MROH1: variants seen among roughly 807,000 people sequenced by gnomAD.
MROH1 encodes maestro heat like repeat family member 1, also known as maestro heat-like repeat-containing protein family member 1.
MROH1 carries 117 observed loss-of-function variants against 116.5 expected under a neutral mutation model. The ratio of observed to expected loss-of-function variants is 1.00; its 90% CI spans 0.86 to 1.17. MROH1 has a LOEUF of 1.17. MROH1 is among the 50% of genes most tolerant of loss of function. MROH1 has a pLI of 0.00. For missense variants in MROH1, 1,873 were observed against 1,338.5 expected (o/e 1.40, Z -6.23); for synonymous variants, 921 against 583.9 (o/e 1.58, Z -8.32).
chr8:144,167,157 G>T (rs949090953), intron 3 of MROH1, among the ~76,000 whole-genome samples: 3 of 152,208 alleles, frequency 2.0e-5, no homozygotes, highest in Non-Finnish European at 4.4e-5. Flanking sequence ...AAACCAGCCT[G>T]GAGGGTCTTG....
Position 144,168,394 on chromosome 8 carries a change from T to C in MROH1, c.122T>C (p.Val41Ala), listed in dbSNP as rs1047971924. ...ALCSLGEARPVETLRACEEYL... is the reference protein window; with the variant it reads ...ALCSLGEARPAETLRACEEYL... ...TGCTCCCTCGGGGAGGCGCGGCCGG[T>C]GGAGACGCTCCGTGCCTGCGAGGAG... is the stretch of plus-strand genomic sequence containing the variant. Residue 41 changes from valine to alanine, a missense_variant, in exon 4 of 44, where the codon GTG becomes GCG. Val to Ala is a moderately conservative substitution (Grantham distance 64). Coordinates refer to ENST00000326134, the MANE Select transcript of MROH1 (RefSeq NM_032450.3). 11 of 1,611,408 alleles carry C rather than the reference T, an allele frequency of 6.8e-6. No homozygotes were observed. Among genetic ancestry groups the C allele is most frequent in the Admixed American group, 3.3e-5 (2 of 59,916 alleles).
intron 4 of MROH1, among the ~76,000 whole-genome samples, chr8:144,178,989 G>A (rs1824831732): frequency 6.6e-6 from 1 of 152,106 alleles, no homozygotes; most frequent in African/African-American, 2.4e-5. Flanking sequence ...GTGGCAGAAG[G>A]TGGTGTGGTG....
chr8:144,172,835 G>A (rs970631277), intron 4 of MROH1, among the ~76,000 whole-genome samples: 3 of 152,036 alleles, frequency 2.0e-5, no homozygotes, highest in Non-Finnish European at 2.9e-5. Flanking sequence ...ATTGATTTAC[G>A]TCTTTGCCTG....
At chr8:144,207,641 G>T (rs1265112994) in intron 12 of MROH1, among the ~76,000 whole-genome samples, 2 of 152,060 alleles carry the variant, frequency 1.3e-5, no homozygotes, top group African/African-American at 4.8e-5. Flanking sequence ...GAGTAGCCTG[G>T]GTTACAGGAG....
chr8:144,207,529 A>T (rs995361663), intron 12 of MROH1, among the ~76,000 whole-genome samples: 7 of 151,870 alleles, frequency 4.6e-5, no homozygotes, highest in African/African-American at 1.7e-4. Flanking sequence ...TTATAGAGAG[A>T]GGGTCTCACT....
chr8:144,239,012 G>A, intron 15 of MROH1, 23 bp from the exon 16 acceptor site: 1 of 776,740 alleles, frequency 1.3e-6, no homozygotes, highest in South Asian at 1.3e-5. Context: ...GGCGGATGCA[G>A]ACCAGGCCCT....
intron 4 of MROH1, among the ~76,000 whole-genome samples, chr8:144,169,994 C>T (rs1380922842): frequency 4.6e-5 from 7 of 152,134 alleles, no homozygotes; most frequent in African/African-American, 1.2e-4. Flanking sequence ...CCACCATGCC[C>T]GGCTAATTTT....
chr8:144,175,266 G>A (rs1234962467), intron 4 of MROH1: 5 of 666,496 alleles, frequency 7.5e-6, no homozygotes, highest in East Asian at 1.4e-4. Context: ...GGGTATAAAT[G>A]CCCTGCTGCA....
chr8:144,197,194 T>G (rs2131722331), intron 10 of MROH1, among the ~76,000 whole-genome samples: 1 of 152,260 alleles, frequency 6.6e-6, no homozygotes, highest in Admixed American at 6.5e-5. Context: ...CCCTTGTTAG[T>G]TTACACCCAT....
chr8:144,217,511 C>T (rs578218458), intron 12 of MROH1, among the ~76,000 whole-genome samples: 4 of 152,352 alleles, frequency 2.6e-5, no homozygotes, highest in African/African-American at 9.6e-5. Context: ...TCTATCCAGG[C>T]TGAAAGTTCT....
chr8:144,209,027 T>TTGTGTGTGTGTGTGTGTGTG (rs71320812), intron 12 of MROH1, among the ~76,000 whole-genome samples: 3 of 141,642 alleles, frequency 2.1e-5, no homozygotes, highest in African/African-American at 8.2e-5. Context: ...CTCGGCCATT[T>TTGTGTGTGTGTGTGTGTGTG]TGTGTGTGTG....
intron 24 of MROH1, 150 bp from the exon 25 acceptor site, chr8:144,243,344 T>G: frequency 1.5e-6 from 1 of 668,806 alleles, no homozygotes; most frequent in East Asian, 2.7e-5. Flanking sequence ...TTCTTCCACA[T>G]GGACTTTGAT....
intron 2 of MROH1, among the ~76,000 whole-genome samples, chr8:144,161,756 A>G (rs1264681138): frequency 6.6e-6 from 1 of 152,026 alleles, no homozygotes; most frequent in African/African-American, 2.4e-5. Context: ...GCTGCACTGG[A>G]AGGGGTGCTG....
chr8:144,186,464 C>T (rs1827195879), intron 7 of MROH1, among the ~76,000 whole-genome samples: 1 of 152,138 alleles, frequency 6.6e-6, no homozygotes, highest in African/African-American at 2.4e-5. Context: ...AAAAGAGATC[C>T]AGGGACCAGC....
Position 144,180,043 on chromosome 8 carries a change from G to A in MROH1, c.301-135G>A, listed in dbSNP as rs1825173516. 1 of 1,097,072 alleles carries A rather than the reference G, an allele frequency of 9.1e-7. No individual in the cohort carries two copies. Among genetic ancestry groups the A allele is most frequent in the Non-Finnish European group, 1.3e-6 (1 of 750,058 alleles). 68.0% of individuals were successfully genotyped at this position (1,097,072 alleles called of 1,614,324 possible). On this transcript the variant is annotated intron_variant, in intron 5 of 43. Coordinates refer to ENST00000326134, the MANE Select transcript of MROH1 (RefSeq NM_032450.3). This position sits in a 1 kb window ranked among gnomAD's most constrained non-coding sequence, Gnocchi z 7.4. Reference sequence around the variant, plus strand: ...CAGCAGCCCCTCAGCAGAGGAGGCTGTGCCCGCCACCTTCCCTGACCTGCA... The same window carrying A: ...CAGCAGCCCCTCAGCAGAGGAGGCTATGCCCGCCACCTTCCCTGACCTGCA...
At chr8:144,211,335 T>C (rs1834049629) in intron 12 of MROH1, among the ~76,000 whole-genome samples, 1 of 152,242 alleles carries the variant, frequency 6.6e-6, no homozygotes, top group East Asian at 1.9e-4. Context: ...GATGATACTA[T>C]AATTCTATCA....
chr8:144,229,060 C>T (rs1838329759), intron 14 of MROH1, among the ~76,000 whole-genome samples: 4 of 152,198 alleles, frequency 2.6e-5, no homozygotes, highest in South Asian at 4.1e-4. Context: ...TCATCCATTC[C>T]GGTTTGATCA....
At chr8:144,168,539 G>C in intron 4 of MROH1, 99 bp downstream of exon 4, 1 of 1,439,184 alleles carries the variant, frequency 6.9e-7, no homozygotes, top group South Asian at 1.3e-5. Flanking sequence ...GCAGTGGGTC[G>C]GGTGTTACGC....
At chr8:144,184,644 G>C (rs1411976121) in intron 7 of MROH1, among the ~76,000 whole-genome samples, 1 of 152,228 alleles carries the variant, frequency 6.6e-6, no homozygotes, top group Admixed American at 6.5e-5. Context: ...ACTGAAGAGA[G>C]TGCACCAGCT....
Sources: gnomAD v4.1 joint callset for allele counts (sites outside exome capture counted in the v4.1 genomes callset) on GRCh38, gnomAD v4.1.1 for gene constraint, Gnocchi (gnomAD v3.1) non-coding constraint, MANE v1.5 for transcripts, NCBI Gene and HGNC (gene_info 2026-07-23, HGNC 2026-07-21) for gene names.